SOX5: variants seen among roughly 807,000 people sequenced by gnomAD.
SOX5 encodes the protein transcription factor SOX-5.
In SOX5, 9 loss-of-function variants were observed where a neutral mutation model predicts 92.0. That is an observed-to-expected ratio of 0.10 (90% CI 0.06 to 0.17). The LOEUF (loss-of-function observed/expected upper bound fraction) is 0.17, where lower values mean the gene tolerates loss of function less well. SOX5 is among the 10% of genes least tolerant of loss of function. SOX5 has a pLI of 1.00. For missense variants in SOX5, 642 were observed against 944.5 expected, an observed-to-expected ratio of 0.68 and a Z score of 4.20; for synonymous variants, 344 against 336.3, an observed-to-expected ratio of 1.02 and a Z score of -0.25.
At chr12:24,134,454 G>A (rs927296025) in intron 4 of SOX5, among the ~76,000 whole-genome samples, 2 of 152,170 alleles carry the variant, frequency 1.3e-5, no homozygotes, top group African/African-American at 4.8e-5. Flanking sequence ...CTGCTCTAGA[G>A]AAAACTTTAA....
intron 4 of SOX5, among the ~76,000 whole-genome samples, chr12:24,120,322 C>T (rs762797961): frequency 3.9e-5 from 6 of 152,142 alleles, no homozygotes; most frequent in Non-Finnish European, 7.4e-5. Flanking sequence ...TCCATATCCT[C>T]ACTACAGTAC....
intron 3 of SOX5, among the ~76,000 whole-genome samples, chr12:23,787,354 A>C (rs1353348489): frequency 1.3e-5 from 2 of 151,982 alleles, no homozygotes; most frequent in Non-Finnish European, 2.9e-5. Flanking sequence ...TATTTAAAAC[A>C]GTATGAAAGA....
At chr12:23,670,490 T>C (rs1156792790) in intron 6 of SOX5, among the ~76,000 whole-genome samples, 1 of 152,008 alleles carries the variant, frequency 6.6e-6, no homozygotes, top group Non-Finnish European at 1.5e-5. Context: ...GTTTCAAATG[T>C]AGGAAAGAGA....
At chr12:24,373,011 G>A (rs1956900517) in intron 1 of SOX5, among the ~76,000 whole-genome samples, 1 of 150,854 alleles carries the variant, frequency 6.6e-6, no homozygotes, top group South Asian at 2.1e-4. Flanking sequence ...CCAGCTACTT[G>A]GGAGGCTAAG....
intron 1 of SOX5, among the ~76,000 whole-genome samples, chr12:24,414,000 C>T (rs1964576774): frequency 2.6e-5 from 4 of 152,200 alleles, no homozygotes; most frequent in African/African-American, 7.2e-5. Context: ...AAACCTCTAG[C>T]TTGTAGCTCT....
At chr12:23,655,977 A>C (rs548335779) in intron 7 of SOX5, among the ~76,000 whole-genome samples, 24 of 151,900 alleles carry the variant, frequency 1.6e-4, no homozygotes, top group African/African-American at 5.6e-4. Flanking sequence ...TTTTATATTT[A>C]TACAATAATT....
chr12:23,741,869 T>C (rs1373538748), intron 4 of SOX5, among the ~76,000 whole-genome samples: 3 of 152,172 alleles, frequency 2.0e-5, no homozygotes, highest in African/African-American at 7.2e-5. Context: ...ACTCAAGATA[T>C]TTAAAACATG....
intron 3 of SOX5, among the ~76,000 whole-genome samples, chr12:24,267,018 T>C (rs1401130516): frequency 1.3e-5 from 2 of 152,198 alleles, no homozygotes; most frequent in Non-Finnish European, 2.9e-5. Flanking sequence ...ATATTGGTAA[T>C]GGTATAAAAT....
chr12:23,704,545 G>A (rs1481594058), intron 6 of SOX5, among the ~76,000 whole-genome samples: 1 of 151,058 alleles, frequency 6.6e-6, no homozygotes, highest in African/African-American at 2.4e-5. Context: ...GACGTATAAC[G>A]ACACCTAGGA....
At chr12:23,744,847 A>G (rs551740822) in intron 4 of SOX5, among the ~76,000 whole-genome samples, 2 of 152,278 alleles carry the variant, frequency 1.3e-5, no homozygotes, top group East Asian at 1.9e-4. Flanking sequence ...ACAGTTCTGG[A>G]TGCTAGAAGT....
At chr12:24,256,166 A>C (rs78745338) in intron 3 of SOX5, among the ~76,000 whole-genome samples, 4,204 of 152,334 alleles carry the variant, frequency 0.028, 137 homozygotes, top group African/African-American at 0.077. Flanking sequence ...GATGTGTGGC[A>C]GATAAATGTA....
intron 4 of SOX5, among the ~76,000 whole-genome samples, chr12:24,141,966 C>T (rs749066939): frequency 2.0e-5 from 3 of 152,156 alleles, no homozygotes; most frequent in Non-Finnish European, 2.9e-5. Flanking sequence ...GTAAGCCTTA[C>T]AAAGTCTGCT....
At chr12:23,756,007 A>G (rs2094359410) in intron 3 of SOX5, among the ~76,000 whole-genome samples, 2 of 151,882 alleles carry the variant, frequency 1.3e-5, no homozygotes, top group Admixed American at 1.3e-4. Flanking sequence ...TTTAGTGAAC[A>G]AATTCTTGCT....
chr12:23,922,943 C>CTTTTTTT (rs372074468), intron 1 of SOX5, among the ~76,000 whole-genome samples: 1 of 143,094 alleles, frequency 7.0e-6, no homozygotes, highest in Non-Finnish European at 1.5e-5. Context: ...GAAGCTCCTT[C>CTTTTTTT]TTTTTTTTTT....
At chr12:23,992,249 A>G (rs745945284) in intron 4 of SOX5, among the ~76,000 whole-genome samples, 70 of 152,254 alleles carry the variant, frequency 4.6e-4, no homozygotes, top group Admixed American at 1.3e-3. Context: ...TAACAATGAT[A>G]TATTTTTAAA....
chr12:24,035,364 C>G (rs1266987400), intron 4 of SOX5, among the ~76,000 whole-genome samples: 1 of 152,080 alleles, frequency 6.6e-6, no homozygotes, highest in Non-Finnish European at 1.5e-5. Context: ...GGCACATGAA[C>G]TCCTGTAACA....
intron 4 of SOX5, among the ~76,000 whole-genome samples, chr12:24,080,414 T>C (rs1179916831): frequency 1.3e-5 from 2 of 152,078 alleles, no homozygotes; most frequent in African/African-American, 2.4e-5. Context: ...TACAATGATA[T>C]ATCTCTTAAA....
At chr12:24,250,836 T>C (rs999923507) in intron 3 of SOX5, among the ~76,000 whole-genome samples, 1 of 152,130 alleles carries the variant, frequency 6.6e-6, no homozygotes, top group Non-Finnish European at 1.5e-5. Flanking sequence ...CCATGGGCTT[T>C]CCCAACAACT....
At chr12:24,080,151 T>A (rs1943146199) in intron 4 of SOX5, among the ~76,000 whole-genome samples, 1 of 151,946 alleles carries the variant, frequency 6.6e-6, no homozygotes, top group South Asian at 2.1e-4. Context: ...GGAAGGCAAA[T>A]TACTGCATGT....
Sources: gnomAD v4.1 joint callset for allele counts (sites outside exome capture counted in the v4.1 genomes callset) on GRCh38, gnomAD v4.1.1 for gene constraint, MANE v1.5 for transcripts, NCBI Gene and HGNC (gene_info 2026-07-23, HGNC 2026-07-21) for gene names.